The following TBCD variants were observed in gnomAD, a reference collection of about 807,000 sequenced individuals.
TBCD encodes the protein tubulin-specific chaperone D.
Under a neutral mutation model 169.3 loss-of-function variants are expected in TBCD, and 105 were observed. The observed-to-expected ratio is 0.62, with a 90% CI of 0.53 to 0.73. The LOEUF is 0.73. Among genes scored for constraint, TBCD ranks in the 30% least tolerant of loss-of-function variants. The pLI is 0.00. For missense variants in TBCD, 1,444 were observed against 1,600.1 expected, an observed-to-expected ratio of 0.90 and a Z score of 1.66; for synonymous variants, 700 against 643.9, an observed-to-expected ratio of 1.09 and a Z score of -1.32.
At chr17:82,807,034 C>G (rs1018084230) in intron 10 of TBCD, among the ~76,000 whole-genome samples, 18 of 152,242 alleles carry the variant, frequency 1.2e-4, no homozygotes, top group Non-Finnish European at 2.5e-4. Context: ...TCCACCCTCC[C>G]CTGTGGTCAC....
chr17:82,784,168 C>T (rs1774069200), intron 7 of TBCD, among the ~76,000 whole-genome samples: 1 of 152,016 alleles, frequency 6.6e-6, no homozygotes, highest in African/African-American at 2.4e-5. Context: ...ACTTTCAGTA[C>T]CCTTGGGTAC....
intron 13 of TBCD, among the ~76,000 whole-genome samples, chr17:82,866,107 A>T (rs2057151763): frequency 6.6e-6 from 1 of 152,122 alleles, no homozygotes; most frequent in Admixed American, 6.5e-5. Flanking sequence ...TTCTGATAAT[A>T]ACGTTATATA....
chr17:82,807,677 C>G lies in TBCD; in HGVS notation c.1148+9C>G, dbSNP rs760757391. The G allele has an allele frequency of 3.1e-5, 46 of 1,485,700 alleles. No individual in the cohort carries two copies. Among genetic ancestry groups the G allele is most frequent in the Non-Finnish European group, 4.0e-5 (45 of 1,112,172 alleles). The allele number at this position is 1,485,700 out of a possible 1,614,324, so 92.0% of individuals were successfully genotyped here. On this transcript the variant is annotated intron_variant, in intron 11 of 38. Coordinates refer to ENST00000355528, the MANE Select transcript of TBCD (RefSeq NM_005993.5). Reference sequence around the variant, plus strand: ...TGGTCTGCAGCCAAGGGGTAGGTGTCTGTGGCCGCAGAAGCACCCCGGGGG... The same window carrying G: ...TGGTCTGCAGCCAAGGGGTAGGTGTGTGTGGCCGCAGAAGCACCCCGGGGG...
rs2058309727 is a variant in TBCD at position 82,880,926 on chromosome 17, T to A, written c.1476-3219T>A. Among the ~76,000 whole-genome samples the A allele has an allele frequency of 6.9e-6, 1 of 144,364 alleles. No individual in the cohort carries two copies. Among genetic ancestry groups the A allele is most frequent in the African/African-American group, 2.4e-5 (1 of 40,856 alleles). The allele number at this position is 144,364 out of a possible 152,430, so 94.7% of individuals were successfully genotyped here. On this transcript the variant is annotated intron_variant, in intron 14 of 38. Coordinates refer to ENST00000355528, the MANE Select transcript of TBCD (RefSeq NM_005993.5). This position sits in a 1 kb window ranked among gnomAD's most constrained non-coding sequence, Gnocchi z 5.0. ...GACTTTGGATGGCTCCAGGCGGAAC[T>A]CGGGGAAGGAGGCCGTGTACTCCCA...
At chr17:82,819,201 GGAA>G (rs2052194146) in intron 13 of TBCD, among the ~76,000 whole-genome samples, 1 of 152,260 alleles carries the variant, frequency 6.6e-6, no homozygotes, top group South Asian at 2.1e-4. Flanking sequence ...TGCTAAAGGA[GGAA>G]GAAGTAAAAC....
chr17:82,780,337 G>A (rs1219965350), intron 6 of TBCD, among the ~76,000 whole-genome samples: 4 of 152,174 alleles, frequency 2.6e-5, no homozygotes, highest in East Asian at 1.9e-4. Flanking sequence ...GCTGTTTGTC[G>A]TTTCTCTCCA....
Position 82,945,168 on chromosome 17 carries a change from G to C in TBCD, c.*2705G>C, listed in dbSNP as rs893356953. On this transcript the variant is annotated 3_prime_UTR_variant, in exon 39 of 39. Transcript: ENST00000355528. Reference sequence around the variant, plus strand: ...CAGAGCCCCTAGAAATGTAAGAAGTGAAATGAAAAGCTCAATGGATAGCTT... The same window carrying C: ...CAGAGCCCCTAGAAATGTAAGAAGTCAAATGAAAAGCTCAATGGATAGCTT... The C allele has an allele frequency of 2.0e-5, 3 of 152,196 alleles. No homozygotes were observed. The highest frequency in any genetic ancestry group is 7.2e-5 in the African/African-American group (3 of 41,458). 9.4% of individuals were successfully genotyped at this position (152,196 alleles called of 1,614,324 possible).
chr17:82,917,571 T>C (rs187358583), intron 23 of TBCD, among the ~76,000 whole-genome samples: 106 of 152,326 alleles, frequency 7.0e-4, no homozygotes, highest in African/African-American at 2.4e-3. Context: ...TGCTTTGAGG[T>C]CTGCAATGTT....
chr17:82,857,412 C>CT (rs949668609), intron 13 of TBCD, among the ~76,000 whole-genome samples: 3 of 151,890 alleles, frequency 2.0e-5, no homozygotes, highest in African/African-American at 7.2e-5. Flanking sequence ...TGTTGGTTGT[C>CT]TTTTTTTTTC....
chr17:82,925,380 C>T (rs973611191), intron 27 of TBCD, among the ~76,000 whole-genome samples: 2 of 152,158 alleles, frequency 1.3e-5, no homozygotes, highest in South Asian at 2.1e-4. Flanking sequence ...GTTGTGGAGC[C>T]GGGTCCTGTT....
chr17:82,830,946 C>G, intron 13 of TBCD: 1 of 1,613,204 alleles, frequency 6.2e-7, no homozygotes, highest in South Asian at 1.1e-5. Flanking sequence ...GCAGTGTGAG[C>G]AAGTATAAGC....
Position 82,942,331 on chromosome 17 carries a change from G to A in TBCD, c.3565-118G>A, listed in dbSNP as rs534690523. 4.8e-6 allele frequency: 7 copies of A among 1,457,152 alleles called. No homozygotes were observed. The East Asian group carries it at 9.2e-5, about 19-fold the overall frequency. 90.3% of individuals were successfully genotyped at this position (1,457,152 alleles called of 1,614,324 possible). On this transcript the variant is annotated intron_variant, in intron 38 of 38. Transcript: ENST00000355528. ...CGGGTGTGTGGGAAACGGCACAAAT[G>A]GTTTCCTGCAGGAACCGTGTCAGTC...
Position 82,889,885 on chromosome 17 carries a change from C to T in TBCD, c.1563+188C>T, listed in dbSNP as rs890729786. Among the ~76,000 whole-genome samples, 1 of 152,240 alleles carries T rather than the reference C, an allele frequency of 6.6e-6. No individual in the cohort carries two copies. Among genetic ancestry groups the T allele is most frequent in the Non-Finnish European group, 1.5e-5 (1 of 68,042 alleles). ...CGAGTCCTGTTTCACAGGGAACCTG[C>T]ATGTACAGTAATTTACACACACAGG... is the stretch of plus-strand genomic sequence containing the variant. On this transcript the variant is annotated intron_variant, in intron 16 of 38. Transcript: ENST00000355528. The surrounding 1 kb of genome is among the most constrained non-coding windows in gnomAD (Gnocchi z 5.3).
At chr17:82,932,335 C>T (rs2062277685) in intron 33 of TBCD, among the ~76,000 whole-genome samples, 1 of 152,256 alleles carries the variant, frequency 6.6e-6, no homozygotes, top group African/African-American at 2.4e-5. Context: ...CCCCTCTCCG[C>T]TGCATTGCCG....
chr17:82,799,399 C>T (rs551267267), intron 8 of TBCD, among the ~76,000 whole-genome samples: 8 of 135,656 alleles, frequency 5.9e-5, no homozygotes, highest in South Asian at 2.3e-4. Context: ...GCTGAGATCG[C>T]GCCACAGCAC....
intron 7 of TBCD, among the ~76,000 whole-genome samples, chr17:82,792,064 C>T (rs1396771787): frequency 6.6e-6 from 1 of 152,206 alleles, no homozygotes; most frequent in Non-Finnish European, 1.5e-5. Flanking sequence ...AATCCCAGCA[C>T]TTTGGGAGGC....
At chr17:82,823,502 TGTGTTTC>T (rs1236682578) in intron 13 of TBCD, among the ~76,000 whole-genome samples, 1 of 152,182 alleles carries the variant, frequency 6.6e-6, no homozygotes, top group African/African-American at 2.4e-5. Flanking sequence ...TGTGAACGTG[TGTGTTTC>T]GTGTTGCACT....
intron 13 of TBCD, chr17:82,865,543 T>C (rs928915382): frequency 1.0e-6 from 1 of 984,902 alleles, no homozygotes; most frequent in African/African-American, 1.8e-5. Flanking sequence ...GCCGCGGGGG[T>C]ACTCGGCTGC....
At chr17:82,850,006 C>CTGTTGGCTGTGCTGT (rs71168163) in intron 13 of TBCD, among the ~76,000 whole-genome samples, 1 of 101,220 alleles carries the variant, frequency 9.9e-6, no homozygotes, top group African/African-American at 4.1e-5. Flanking sequence ...GGCTGTGCTG[C>CTGTTGGCTGTGCTGT]TGTTGGCTGT....
Sources: allele counts gnomAD v4.1 joint callset (sites outside exome capture counted in the v4.1 genomes callset), GRCh38; gene constraint gnomAD v4.1.1; non-coding constraint Gnocchi (gnomAD v3.1); transcripts MANE v1.5; gene names NCBI Gene and HGNC (gene_info 2026-07-23, HGNC 2026-07-21).